WDR70: variants seen among roughly 807,000 people sequenced by gnomAD.
WDR70 encodes WD repeat-containing protein 70.
A neutral mutation model predicts 88.6 loss-of-function variants in WDR70; 53 were observed. That is an observed-to-expected ratio of 0.60 (90% confidence interval 0.48 to 0.75). The LOEUF (loss-of-function observed/expected upper bound fraction) is 0.75, where lower values mean the gene tolerates loss of function less well. Ranked by LOEUF, WDR70 falls within the 30% of genes least tolerant of loss-of-function variation. The pLI, the probability that WDR70 is intolerant of heterozygous loss-of-function variation, is 0.00. For synonymous variants in WDR70, 280 were observed against 270.0 expected (o/e 1.04, Z -0.36); for missense variants, 610 against 823.2 (o/e 0.74, Z 3.17).
At chr5:37,392,339 A>AGT (rs1462560496) in intron 4 of WDR70, among the ~76,000 whole-genome samples, 3 of 151,670 alleles carry the variant, frequency 2.0e-5, no homozygotes, top group Non-Finnish European at 4.4e-5. Context: ...ATGCGCTACC[A>AGT]CCCCTGGCTA....
intron 9 of WDR70, among the ~76,000 whole-genome samples, chr5:37,522,741 C>A (rs1475581886): frequency 1.3e-5 from 2 of 152,216 alleles, no homozygotes; most frequent in African/African-American, 4.8e-5. Context: ...CCAAGGGAAG[C>A]TGTGACAGAT....
At chr5:37,497,831 GT>G (rs1210740754) in intron 8 of WDR70, among the ~76,000 whole-genome samples, 1 of 150,724 alleles carries the variant, frequency 6.6e-6, no homozygotes, top group African/African-American at 2.4e-5. Flanking sequence ...TTTTGTTTTT[GT>G]TTTTTTTAAG....
intron 9 of WDR70, among the ~76,000 whole-genome samples, chr5:37,554,384 A>G (rs907677598): frequency 6.6e-6 from 1 of 152,134 alleles, no homozygotes; most frequent in Non-Finnish European, 1.5e-5. Flanking sequence ...GCCTGACTCA[A>G]GTTCTGTGAG....
chr5:37,403,072 G>A (rs1282682581), intron 5 of WDR70, among the ~76,000 whole-genome samples: 1 of 148,854 alleles, frequency 6.7e-6, no homozygotes, highest in East Asian at 2.0e-4. Context: ...TCAGCCTCCT[G>A]AGTAGCTGGG....
At chr5:37,455,584 T>C (rs928725490) in intron 7 of WDR70, among the ~76,000 whole-genome samples, 2 of 151,268 alleles carry the variant, frequency 1.3e-5, no homozygotes, top group African/African-American at 4.8e-5. Context: ...GCTTTGGCTC[T>C]CTGTTATCTG....
intron 9 of WDR70, among the ~76,000 whole-genome samples, chr5:37,526,327 A>G (rs911605052): frequency 2.6e-5 from 4 of 152,248 alleles, no homozygotes; most frequent in African/African-American, 9.6e-5. Context: ...GGCTGGTTCA[A>G]CATACGCACA....
At position 37,433,583 on chromosome 5, in the gene WDR70, T is replaced by C. The variant is rs1750379885; in HGVS notation, c.493-4339T>C. 2.0e-5 allele frequency among the ~76,000 whole-genome samples: 3 copies of C among 152,206 alleles called. No homozygotes were observed. In the South Asian group the frequency reaches 6.2e-4, roughly 32 times the overall value. On this transcript the variant is annotated intron_variant, in intron 5 of 17. Coordinates refer to ENST00000265107, the MANE Select transcript of WDR70 (RefSeq NM_018034.4). Reference sequence around the variant, plus strand: ...CATAGTGCTGTATATGTATAACACATACACCCTTGCTCTATTTTCTGCCTA... The same window carrying C: ...CATAGTGCTGTATATGTATAACACACACACCCTTGCTCTATTTTCTGCCTA...
chr5:37,692,516 C>T (rs1012099872), intron 10 of WDR70, among the ~76,000 whole-genome samples: 3 of 152,152 alleles, frequency 2.0e-5, no homozygotes, highest in African/African-American at 7.2e-5. Context: ...GCTTATCCAC[C>T]ATGATCAAGT....
intron 9 of WDR70, among the ~76,000 whole-genome samples, chr5:37,567,715 G>T (rs1742784306): frequency 6.6e-6 from 1 of 152,130 alleles, no homozygotes; most frequent in Admixed American, 6.5e-5. Flanking sequence ...GGGGAGGGGG[G>T]AGATTTTTTT....
At position 37,699,331 on chromosome 5, in the gene WDR70, T is replaced by TACAC. The variant is rs67566263; in HGVS notation, c.1192+1603_1192+1606dup. On this transcript the variant is annotated intron_variant, in intron 11 of 17. Coordinates refer to ENST00000265107, the MANE Select transcript of WDR70 (RefSeq NM_018034.4). ...ATAATTCTTACTTTCCTTTCCATCA[T>TACAC]ACACACACACACACACACACACACA... Among the ~76,000 whole-genome samples, 486 of 141,636 alleles carry TACAC rather than the reference T, an allele frequency of 3.4e-3. 2 individuals carry two copies. Among genetic ancestry groups the TACAC allele is most frequent in the Admixed American group, 4.6e-3 (65 of 14,176 alleles). 92.9% of individuals were successfully genotyped at this position (141,636 alleles called of 152,430 possible). A position where few individuals can be genotyped will look rare whatever the true frequency, so the allele number is the denominator to read the frequency against.
intron 9 of WDR70, among the ~76,000 whole-genome samples, chr5:37,601,359 C>A (rs1743876606): frequency 6.6e-6 from 1 of 152,152 alleles, no homozygotes; most frequent in South Asian, 2.1e-4. Flanking sequence ...TCCTTGCATA[C>A]CTGGGATAAA....
intron 10 of WDR70, among the ~76,000 whole-genome samples, chr5:37,621,362 C>CCTTTAT (rs1744499975): frequency 6.6e-6 from 1 of 152,078 alleles, no homozygotes; most frequent in Non-Finnish European, 1.5e-5. Flanking sequence ...AGCATACAGT[C>CCTTTAT]GTTGATATTT....
intron 7 of WDR70, among the ~76,000 whole-genome samples, chr5:37,449,931 T>C (rs1451258834): frequency 6.6e-5 from 10 of 152,144 alleles, no homozygotes; most frequent in Admixed American, 4.6e-4. Context: ...TGGTGTGTGA[T>C]ATTCCCCTCC....
intron 9 of WDR70, among the ~76,000 whole-genome samples, chr5:37,591,685 A>G (rs1377373180): frequency 1.3e-5 from 2 of 152,240 alleles, no homozygotes; most frequent in African/African-American, 2.4e-5. Context: ...CTTATTTTAT[A>G]AGGCCAACAT....
chr5:37,673,559 G>A (rs867836943), intron 10 of WDR70, among the ~76,000 whole-genome samples: 2 of 144,450 alleles, frequency 1.4e-5, no homozygotes, highest in Admixed American at 7.0e-5. Context: ...CTTCATGAGC[G>A]CCTGCTATTT....
At chr5:37,488,502 C>CTTTTTTTTTTTTTTTTTTTTTACTTT (rs113142236) in intron 8 of WDR70, among the ~76,000 whole-genome samples, 1 of 137,532 alleles carries the variant, frequency 7.3e-6, no homozygotes, top group Non-Finnish European at 1.5e-5. Context: ...TTGTTCTTTA[C>CTTTTTTTTTTTTTTTTTTTTTACTTT]TTTTTTTTTT....
chr5:37,549,553 G>A (rs1742084740), intron 9 of WDR70, among the ~76,000 whole-genome samples: 1 of 151,992 alleles, frequency 6.6e-6, no homozygotes, highest in Admixed American at 6.6e-5. Context: ...TTAGACTTTT[G>A]CAAACATAAG....
In WDR70 at chr5:37,644,901, G is replaced by T. The variant is rs537007592; in HGVS notation, c.1092+39663G>T. On this transcript the variant is annotated intron_variant, in intron 10 of 17. Coordinates refer to ENST00000265107, the MANE Select transcript of WDR70 (RefSeq NM_018034.4). ...TTTTTGTTAATTAGTCTGGCTAAAGGTTGGTCAGTTTTGTTTATCTGTTTA... is the reference window on the plus strand; with the variant it reads ...TTTTTGTTAATTAGTCTGGCTAAAGTTTGGTCAGTTTTGTTTATCTGTTTA... Among the ~76,000 whole-genome samples, 4 of 151,772 alleles carry T rather than the reference G, an allele frequency of 2.6e-5. No individual in the cohort carries two copies. The Middle Eastern group carries it at 0.01, about 387-fold the overall frequency.
At chr5:37,623,993 A>G (rs1744591454) in intron 10 of WDR70, among the ~76,000 whole-genome samples, 1 of 152,158 alleles carries the variant, frequency 6.6e-6, no homozygotes, top group Admixed American at 6.6e-5. Context: ...ATGTATAGTG[A>G]TCAAATCAGG....
Sources: gnomAD v4.1 joint callset for allele counts (sites outside exome capture counted in the v4.1 genomes callset) on GRCh38, gnomAD v4.1.1 for gene constraint, MANE v1.5 for transcripts, NCBI Gene and HGNC (gene_info 2026-07-23, HGNC 2026-07-21) for gene names.